Variants in ATG4C observed in about 807,000 individuals in gnomAD.
ATG4C encodes autophagy related 4C cysteine peptidase.
In ATG4C, 56 loss-of-function variants were observed where a neutral mutation model predicts 57.6. The observed-to-expected ratio is 0.97, with a 90% CI of 0.78 to 1.21. The LOEUF is 1.21. ATG4C is among the 50% of genes most tolerant of loss of function. The pLI is 0.00. For synonymous variants in ATG4C, 157 were observed against 174.1 expected, an observed-to-expected ratio of 0.90 and a Z score of 0.78; for missense variants, 595 against 529.8, an observed-to-expected ratio of 1.12 and a Z score of -1.21.
intron 1 of ATG4C, among the ~76,000 whole-genome samples, chr1:62,791,064 A>C (rs747029421): frequency 6.6e-6 from 1 of 152,154 alleles, no homozygotes; most frequent in Non-Finnish European, 1.5e-5. Flanking sequence ...TTACCCTGTG[A>C]TATTATTCAT....
chr1:62,812,589 C>T (rs1005936962), intron 3 of ATG4C, among the ~76,000 whole-genome samples: 39 of 152,164 alleles, frequency 2.6e-4, no homozygotes, highest in African/African-American at 8.9e-4. Context: ...CTCACCACTC[C>T]TCTTCAACAT....
intron 3 of ATG4C, among the ~76,000 whole-genome samples, chr1:62,808,587 G>A (rs11579518): frequency 0.49 from 73,975 of 151,950 alleles, 18,420 homozygotes; most frequent in East Asian, 0.67. Context: ...GAAAGGCAAT[G>A]TATAGCACAA....
chr1:62,836,045 A>G (rs886401535), intron 9 of ATG4C, among the ~76,000 whole-genome samples: 1 of 152,084 alleles, frequency 6.6e-6, no homozygotes, highest in African/African-American at 2.4e-5. Flanking sequence ...AGCAAATTAA[A>G]AGATTATTGG....
At chr1:62,832,181 T>TA (rs936301915) in intron 7 of ATG4C, among the ~76,000 whole-genome samples, 27 of 106,054 alleles carry the variant, frequency 2.5e-4, no homozygotes, top group African/African-American at 9.5e-4. Context: ...TTTAACCTGA[T>TA]ATGCTTTCTC....
chr1:62,849,218 C>T (rs1488725236), intron 10 of ATG4C, among the ~76,000 whole-genome samples: 5 of 152,120 alleles, frequency 3.3e-5, no homozygotes, highest in Admixed American at 3.3e-4. Context: ...CTTCTTCCAC[C>T]CGGGCATGCA....
At chr1:62,842,288 G>A (rs1043699983) in intron 10 of ATG4C, among the ~76,000 whole-genome samples, 17 of 147,204 alleles carry the variant, frequency 1.2e-4, no homozygotes, top group African/African-American at 3.8e-4. Flanking sequence ...ACCAATACTC[G>A]TCATTTTTGG....
At chr1:62,837,491 A>AG (rs1460640525) in intron 9 of ATG4C, among the ~76,000 whole-genome samples, 2 of 152,196 alleles carry the variant, frequency 1.3e-5, no homozygotes, top group African/African-American at 4.8e-5. Context: ...TGAAATTAGA[A>AG]GGGAGTGAGA....
intron 1 of ATG4C, among the ~76,000 whole-genome samples, chr1:62,798,620 G>A (rs186941691): frequency 1.3e-5 from 2 of 151,800 alleles, no homozygotes; most frequent in Middle Eastern, 6.8e-3. Flanking sequence ...CCAAAGTTAA[G>A]ATTTTTAGAA....
intron 3 of ATG4C, among the ~76,000 whole-genome samples, chr1:62,809,040 C>A (rs1030984208): frequency 3.9e-5 from 6 of 152,114 alleles, no homozygotes; most frequent in Non-Finnish European, 8.8e-5. Flanking sequence ...CTCAAATGAT[C>A]TTCCCGTCTC....
At chr1:62,812,320 C>T (rs192653316) in intron 3 of ATG4C, among the ~76,000 whole-genome samples, 11 of 152,228 alleles carry the variant, frequency 7.2e-5, no homozygotes, top group African/African-American at 2.2e-4. Context: ...GTTCAACATA[C>T]ACAAATCAAT....
At chr1:62,800,157 G>A (rs778583491) in intron 1 of ATG4C, among the ~76,000 whole-genome samples, 4 of 152,106 alleles carry the variant, frequency 2.6e-5, no homozygotes, top group Non-Finnish European at 5.9e-5. Context: ...CTGGTGATGA[G>A]AACTGTCTGA....
rs140043528 is a variant in ATG4C at position 62,806,360 on chromosome 1, T to C, written c.160+1105T>C. Among the ~76,000 whole-genome samples the C allele has an allele frequency of 8.4e-3, 1,272 of 151,860 alleles. 37 individuals carry two copies. The highest frequency in any genetic ancestry group is 0.029 in the African/African-American group (1,187 of 41,418). On this transcript the variant is annotated intron_variant, in intron 3 of 10. Transcript: ENST00000317868. ...TTGAGTGCTGTGCTAAAGAGTTAGG[T>C]CATTTTTTTTTTTGGGCAGAGGACA... is the stretch of plus-strand genomic sequence containing the variant.
rs1472951597 is a variant in ATG4C, at chr1:62,803,814, G to A, written c.28G>A (p.Asp10Asn). MEATGTDEV[D>N]KLKTKFISAW... is the part of the protein sequence containing the mutation. ...GGAGGCTACAGGAACAGATGAAGTTGACAAGCTAAAAACCAAATTTATATC... is the reference window on the plus strand; with the variant it reads ...GGAGGCTACAGGAACAGATGAAGTTAACAAGCTAAAAACCAAATTTATATC... Residue 10 changes from aspartate (D) to asparagine (N), a missense_variant, in exon 2 of 11, where the codon GAC (aspartate) becomes AAC (asparagine). Physicochemically the swap from Asp to Asn is conservative, Grantham distance 23. Transcript: ENST00000317868. 3 of 1,606,618 alleles carry A rather than the reference G, an allele frequency of 1.9e-6. No homozygotes were observed. In the South Asian group the frequency reaches 3.3e-5, roughly 18 times the overall value.
intron 3 of ATG4C, 108 bp from the exon 4 acceptor site, chr1:62,816,467 G>T (rs1410951999): frequency 1.5e-5 from 11 of 711,458 alleles, no homozygotes; most frequent in Non-Finnish European, 2.3e-5. Context: ...AGAAAAAAAG[G>T]ATTGGAAAGA....
Position 62,803,862 on chromosome 1 carries a change from A to G in ATG4C, c.76A>G (p.Ser26Gly), listed in dbSNP as rs1245931044. ...ATCTGCTTGGAACAACATGAAATATAGTAAGTATCATGTTTTAAAAATTGT... is the reference window on the plus strand; with the variant it reads ...ATCTGCTTGGAACAACATGAAATATGGTAAGTATCATGTTTTAAAAATTGT... ...FISAWNNMKY[S>G]WVLKTKTYFS... Residue 26 changes from serine to glycine, a missense_variant and splice_region_variant, in exon 2 of 11, where the codon AGT (serine) becomes GGT (glycine). Ser to Gly is a moderately conservative substitution (Grantham distance 56, BLOSUM62 0). Coordinates refer to ENST00000317868, the MANE Select transcript of ATG4C (RefSeq NM_032852.4). 6 of 1,545,332 alleles carry G rather than the reference A, an allele frequency of 3.9e-6. No homozygotes were observed. Among genetic ancestry groups the G allele is most frequent in the Middle Eastern group, 1.7e-4 (1 of 5,896 alleles).
chr1:62,810,710 T>C (rs1051349143), intron 3 of ATG4C, among the ~76,000 whole-genome samples: 1 of 119,062 alleles, frequency 8.4e-6, no homozygotes, highest in African/African-American at 3.3e-5. Context: ...ATTGAGTCCT[T>C]GTTTTTTTTT....
intron 3 of ATG4C, among the ~76,000 whole-genome samples, chr1:62,815,051 C>T (rs773710341): frequency 6.6e-6 from 1 of 151,888 alleles, no homozygotes; most frequent in South Asian, 2.1e-4. Context: ...GGTGACAGAA[C>T]GAGACTCTTT....
At chr1:62,846,834 G>T (rs1440134602) in intron 10 of ATG4C, among the ~76,000 whole-genome samples, 2 of 152,092 alleles carry the variant, frequency 1.3e-5, no homozygotes, top group Non-Finnish European at 2.9e-5. Context: ...TCACTTCCCT[G>T]CCTCTAGCTG....
chr1:62,788,430 TACACACACACACACAC>T (rs10671530), intron 1 of ATG4C, among the ~76,000 whole-genome samples: 1 of 146,446 alleles, frequency 6.8e-6, no homozygotes, highest in African/African-American at 2.5e-5. Context: ...TCTCTATAAA[TACACACACACACACAC>T]ACACACACAC....
Sources: allele counts gnomAD v4.1 joint callset (sites outside exome capture counted in the v4.1 genomes callset), GRCh38; gene constraint gnomAD v4.1.1; transcripts MANE v1.5; gene names NCBI Gene and HGNC (gene_info 2026-07-23, HGNC 2026-07-21).